Variants in NCALD observed in about 807,000 individuals in gnomAD.
NCALD encodes the protein neurocalcin-delta.
NCALD carries 10 observed loss-of-function variants against 18.6 expected under a neutral mutation model. The ratio of observed to expected loss-of-function variants is 0.54; its 90% CI spans 0.33 to 0.91. The LOEUF is 0.91. NCALD is among the 40% of genes least tolerant of loss of function. The probability of loss-of-function intolerance (pLI) is 0.03; values close to 1 mark genes in which losing one functional copy is unlikely to be tolerated. For synonymous variants in NCALD, 88 were observed against 87.4 expected, an observed-to-expected ratio of 1.01 and a Z score of -0.04; for missense variants, 184 against 247.6, an observed-to-expected ratio of 0.74 and a Z score of 1.72.
chr8:102,001,375 G>A (rs1487594203), intron 2 of NCALD, among the ~76,000 whole-genome samples: 1 of 152,242 alleles, frequency 6.6e-6, no homozygotes, highest in Non-Finnish European at 1.5e-5. Flanking sequence ...ATGGGACTAT[G>A]TGAAAAGACC....
chr8:101,756,954 A>G (rs922118064), intron 1 of NCALD, among the ~76,000 whole-genome samples: 2 of 152,240 alleles, frequency 1.3e-5, no homozygotes, highest in Non-Finnish European at 2.9e-5. Context: ...TGGAAGGATG[A>G]ACACAATCAA....
intron 2 of NCALD, among the ~76,000 whole-genome samples, chr8:102,007,460 C>T (rs1239475401): frequency 6.6e-6 from 1 of 152,240 alleles, no homozygotes; most frequent in Non-Finnish European, 1.5e-5. Flanking sequence ...GAGGACTGAA[C>T]CTTGAAAAGT....
At chr8:101,911,392 C>T (rs1817794705) in intron 3 of NCALD, among the ~76,000 whole-genome samples, 1 of 145,908 alleles carries the variant, frequency 6.9e-6, no homozygotes, top group African/African-American at 2.5e-5. Context: ...GAGTCTCACT[C>T]TGTCGCCCAG....
chr8:101,901,903 G>T (rs1432221019), intron 3 of NCALD, among the ~76,000 whole-genome samples: 1 of 151,938 alleles, frequency 6.6e-6, no homozygotes, highest in Admixed American at 6.6e-5. Flanking sequence ...TGATTCTCCT[G>T]CCTCAGCCGC....
chr8:101,911,361 C>CTT (rs56017823), intron 3 of NCALD, among the ~76,000 whole-genome samples: 4,086 of 137,648 alleles, frequency 0.03, 130 homozygotes, highest in African/African-American at 0.075. Context: ...TTTTTCTTTT[C>CTT]TTTTTTTTTT....
In NCALD at chr8:101,719,663, G is replaced by C; in HGVS notation, c.-19-15C>G. On this transcript the variant is annotated splice_polypyrimidine_tract_variant and intron_variant, in intron 1 of 3. Transcript: ENST00000220931. ...CAAGAATTCAGCTGCAGATAGAAAA[G>C]AAAACATATATAATTTGTAGAGCTG... 1 of 1,532,564 alleles carries C rather than the reference G, an allele frequency of 6.5e-7. No individual in the cohort carries two copies. Among genetic ancestry groups the C allele is most frequent in the Non-Finnish European group, 8.7e-7 (1 of 1,145,516 alleles). The allele number at this position is 1,532,564 out of a possible 1,614,324, so 94.9% of individuals were successfully genotyped here.
At chr8:101,889,035 T>C (rs1816778486) in intron 3 of NCALD, among the ~76,000 whole-genome samples, 1 of 152,182 alleles carries the variant, frequency 6.6e-6, no homozygotes, top group Admixed American at 6.5e-5. Context: ...GTTCTGGAGA[T>C]GCAAACAAGC....
intron 4 of NCALD, among the ~76,000 whole-genome samples, chr8:101,863,259 T>G (rs1354535772): frequency 6.6e-6 from 1 of 152,162 alleles, no homozygotes; most frequent in Non-Finnish European, 1.5e-5. Context: ...GTGACTATTT[T>G]CTTATCAACC....
chr8:101,743,045 A>T (rs947152496), intron 1 of NCALD, among the ~76,000 whole-genome samples: 3 of 152,226 alleles, frequency 2.0e-5, no homozygotes, highest in African/African-American at 7.2e-5. Flanking sequence ...ATATATATTT[A>T]CATATGTATT....
At chr8:101,738,676 G>A (rs569250693) in intron 1 of NCALD, among the ~76,000 whole-genome samples, 22 of 152,270 alleles carry the variant, frequency 1.4e-4, no homozygotes, top group African/African-American at 5.3e-4. Flanking sequence ...AAGGCACAAT[G>A]GTTAAGGACA....
intron 2 of NCALD, among the ~76,000 whole-genome samples, chr8:101,947,170 G>C (rs1290075385): frequency 6.6e-6 from 1 of 152,196 alleles, no homozygotes; most frequent in African/African-American, 2.4e-5. Flanking sequence ...AAGTGGTCCA[G>C]TCAAAACAAA....
intron 4 of NCALD, among the ~76,000 whole-genome samples, chr8:101,877,196 G>T (rs1225522345): frequency 6.6e-6 from 1 of 152,198 alleles, no homozygotes; most frequent in Non-Finnish European, 1.5e-5. Context: ...ATATCCTTCT[G>T]ATTCAAAGAT....
At chr8:101,759,969 C>G (rs1811044726) in intron 1 of NCALD, among the ~76,000 whole-genome samples, 1 of 152,168 alleles carries the variant, frequency 6.6e-6, no homozygotes, top group Admixed American at 6.5e-5. Context: ...CATTTAGACA[C>G]TGCGGTTCCC....
At chr8:101,777,785 T>C (rs972228885) in intron 1 of NCALD, among the ~76,000 whole-genome samples, 1 of 152,104 alleles carries the variant, frequency 6.6e-6, no homozygotes, top group African/African-American at 2.4e-5. Flanking sequence ...TGAAAAAGAA[T>C]AAATCAAGAA....
At chr8:101,816,852 T>C (rs570315091) in intron 4 of NCALD, among the ~76,000 whole-genome samples, 2 of 152,292 alleles carry the variant, frequency 1.3e-5, no homozygotes, top group South Asian at 4.1e-4. Context: ...AATGTGCCAC[T>C]GTGGATGTTG....
chr8:101,994,079 T>G (rs950844170), intron 2 of NCALD, among the ~76,000 whole-genome samples: 3 of 152,214 alleles, frequency 2.0e-5, no homozygotes, highest in Non-Finnish European at 4.4e-5. Context: ...AGAATATCTT[T>G]AGGCAGCATT....
intron 1 of NCALD, among the ~76,000 whole-genome samples, chr8:102,031,084 A>G (rs909965508): frequency 7.9e-5 from 12 of 152,176 alleles, no homozygotes; most frequent in African/African-American, 2.7e-4. Flanking sequence ...TTCCTGATGT[A>G]AAAACACACC....
chr8:102,023,664 A>G (rs967882275), intron 1 of NCALD, among the ~76,000 whole-genome samples: 2 of 152,198 alleles, frequency 1.3e-5, no homozygotes, highest in Non-Finnish European at 2.9e-5. Flanking sequence ...CAGTTCTAAG[A>G]ATATATGGCC....
chr8:101,987,750 T>G (rs1820869362), intron 2 of NCALD, among the ~76,000 whole-genome samples: 3 of 152,148 alleles, frequency 2.0e-5, no homozygotes, highest in Non-Finnish European at 4.4e-5. Context: ...AAACACGCCT[T>G]TTCCATCACG....
Sources: allele counts gnomAD v4.1 joint callset (sites outside exome capture counted in the v4.1 genomes callset), GRCh38; gene constraint gnomAD v4.1.1; transcripts MANE v1.5; gene names NCBI Gene and HGNC (gene_info 2026-07-23, HGNC 2026-07-21).